DNAAF11: variants seen among roughly 807,000 people sequenced by gnomAD.
DNAAF11 encodes the protein leucine rich repeat containing 6.
A neutral mutation model predicts 60.8 loss-of-function variants in DNAAF11; 45 were observed. That is an observed-to-expected ratio of 0.74 (90% CI 0.58 to 0.95). DNAAF11 has a LOEUF of 0.95. DNAAF11 is among the 40% of genes least tolerant of loss of function. DNAAF11 has a pLI of 0.00. For missense variants in DNAAF11, 546 were observed against 546.2 expected (o/e 1.00, Z 0.00); for synonymous variants, 191 against 183.5 (o/e 1.04, Z -0.33).
intron 6 of DNAAF11, among the ~76,000 whole-genome samples, chr8:132,623,267 G>A (rs1234015153): frequency 6.6e-6 from 1 of 152,100 alleles, no homozygotes; most frequent in Non-Finnish European, 1.5e-5. Flanking sequence ...ATATTTTGCA[G>A]CTATTAAAAA....
chr8:132,656,907 T>C lies in DNAAF11; in HGVS notation c.179A>G (p.Glu60Gly), dbSNP rs1823629431. Reference protein sequence around the residue: ...YLQNNLIGKIENVSKLKKLEY... With the variant: ...YLQNNLIGKIGNVSKLKKLEY... ...AAGTTTCTTGAGTTTGCTAACATTT[T>C]CTGAAATACAAGATAATGTAGTTAA... Residue 60 changes from glutamate (E) to glycine (G), a missense_variant and splice_region_variant, in exon 3 of 12, where the codon GAA (glutamate) becomes GGA (glycine). Coordinates refer to ENST00000620350, the MANE Select transcript of DNAAF11 (RefSeq NM_012472.6). 4 of 1,229,652 alleles carry C rather than the reference T, an allele frequency of 3.3e-6. No individual in the cohort carries two copies. The highest frequency in any genetic ancestry group is 4.7e-6 in the Non-Finnish European group (4 of 852,716). The allele number at this position is 1,229,652 out of a possible 1,614,324, so 76.2% of individuals were successfully genotyped here. A position where few individuals can be genotyped will look rare whatever the true frequency, so the allele number is the denominator to read the frequency against.
At chr8:132,701,903 T>C in the DNAAF11 span, among the ~76,000 whole-genome samples, 2 of 152,146 alleles carry the variant, frequency 1.3e-5, no homozygotes, top group Non-Finnish European at 2.9e-5. Flanking sequence ...CCTCTCTAGG[T>C]GGCCTGCTTT....
chr8:132,588,986 C>T (rs114020742), intron 10 of DNAAF11, among the ~76,000 whole-genome samples: 1,528 of 152,228 alleles, frequency 0.01, 32 homozygotes, highest in African/African-American at 0.034. Context: ...AAACTGCCCC[C>T]GTGATCCAAC....
intron 3 of DNAAF11, among the ~76,000 whole-genome samples, chr8:132,640,592 T>C (rs1442315979): frequency 6.6e-6 from 1 of 152,100 alleles, no homozygotes; most frequent in East Asian, 1.9e-4. Flanking sequence ...CATCTAAGGG[T>C]CAAGTCATAA....
chr8:132,626,186 G>A (rs1466960992), intron 5 of DNAAF11, among the ~76,000 whole-genome samples: 1 of 151,940 alleles, frequency 6.6e-6, no homozygotes, highest in Non-Finnish European at 1.5e-5. Flanking sequence ...TGAGTAGCTG[G>A]GACTACAGGC....
In DNAAF11 at chr8:132,642,321, G is replaced by A. The variant is rs181766628; in HGVS notation, c.257-4214C>T. Among the ~76,000 whole-genome samples, 527 of 152,292 alleles carry A rather than the reference G, an allele frequency of 3.5e-3. 3 individuals carry two copies. The highest frequency in any genetic ancestry group is 5.0e-3 in the Non-Finnish European group (341 of 68,034). ...TCACAATTACTATCTTTATTTGAAG[G>A]TCAGATAGCTCAGTGTGGGCACTTG... On this transcript the variant is annotated intron_variant, in intron 3 of 11. Transcript: ENST00000620350.
chr8:132,679,600 C>CA, upstream of DNAAF11, among the ~76,000 whole-genome samples: 1 of 152,290 alleles, frequency 6.6e-6, no homozygotes, highest in South Asian at 2.1e-4. Context: ...TCTGTGTTCC[C>CA]ACCCAATTCT....
At chr8:132,636,043 T>C (rs774267863) in intron 4 of DNAAF11, among the ~76,000 whole-genome samples, 8 of 151,888 alleles carry the variant, frequency 5.3e-5, no homozygotes, top group Non-Finnish European at 8.8e-5. Context: ...TACAAGATGA[T>C]ACATTTCTGT....
intron 11 of DNAAF11, among the ~76,000 whole-genome samples, chr8:132,574,630 T>C (rs1240227571): frequency 6.6e-6 from 1 of 152,234 alleles, no homozygotes; most frequent in African/African-American, 2.4e-5. Flanking sequence ...TTGCCTCCTA[T>C]TCTTTTGCTG....
rs535499277 is a variant in DNAAF11, at chr8:132,620,459, C to T, written c.914+2152G>A. On this transcript the variant is annotated intron_variant, in intron 7 of 11. Transcript: ENST00000620350. ...AAGCGATTCTCGTGTCCCAGCCTTC[C>T]GAGTGGCTGGGATTACAGGTGTGTG... is the stretch of plus-strand genomic sequence containing the variant. Among the ~76,000 whole-genome samples the T allele has an allele frequency of 3.9e-5, 6 of 152,248 alleles. No individual in the cohort carries two copies. In the East Asian group the frequency reaches 7.7e-4, roughly 20 times the overall value.
Position 132,632,888 on chromosome 8 carries a change from T to A in DNAAF11, c.505A>T (p.Ile169Phe). The change falls in exon 5 of 12, where the codon ATC (isoleucine) becomes TTC (phenylalanine). Residue 169 changes from isoleucine to phenylalanine, a missense_variant. Ile to Phe is a conservative substitution (Grantham distance 21). Coordinates refer to ENST00000620350, the MANE Select transcript of DNAAF11 (RefSeq NM_012472.6). Reference protein sequence around the residue: ...LQDYSVIEPQIREQEKDHCLK... With the variant: ...LQDYSVIEPQFREQEKDHCLK... ...CAGTGATCTTTTTCCTGCTCTCTGA[T>A]TTGTGGTTCAATTACTGAATAGTCC... 1 of 1,613,980 alleles carries A rather than the reference T, an allele frequency of 6.2e-7. No individual in the cohort carries two copies. Among genetic ancestry groups the A allele is most frequent in the Non-Finnish European group, 8.5e-7 (1 of 1,179,918 alleles).
chr8:132,692,367 T>G, the DNAAF11 span, among the ~76,000 whole-genome samples: 1 of 152,200 alleles, frequency 6.6e-6, no homozygotes, highest in Non-Finnish European at 1.5e-5. Context: ...AGTCATTCAA[T>G]TCCCCTGCTG....
chr8:132,623,972 G>C (rs1193027567), intron 6 of DNAAF11, among the ~76,000 whole-genome samples: 1 of 152,056 alleles, frequency 6.6e-6, no homozygotes, highest in Non-Finnish European at 1.5e-5. Flanking sequence ...GGAAATCTAA[G>C]GTGTCCAAAA....
the DNAAF11 span, among the ~76,000 whole-genome samples, chr8:132,697,244 C>A: frequency 1.1e-4 from 16 of 152,154 alleles, no homozygotes; most frequent in Non-Finnish European, 2.2e-4. Flanking sequence ...AGTTGGACTG[C>A]AGTGATGCCT....
the DNAAF11 span, among the ~76,000 whole-genome samples, chr8:132,688,030 GTAATTCTTTTTTTC>G: frequency 3.9e-5 from 6 of 152,124 alleles, no homozygotes; most frequent in Admixed American, 6.5e-5. Flanking sequence ...ACTCATATTT[GTAATTCTTTTTTTC>G]TAATTCTTAA....
the DNAAF11 span, among the ~76,000 whole-genome samples, chr8:132,693,024 C>A: frequency 7.2e-5 from 11 of 152,192 alleles, no homozygotes; most frequent in Admixed American, 6.5e-4. Context: ...TAGGACAGAA[C>A]CACATCACAA....
intron 3 of DNAAF11, among the ~76,000 whole-genome samples, chr8:132,653,784 G>T (rs1331912197): frequency 2.0e-5 from 3 of 151,904 alleles, no homozygotes; most frequent in Admixed American, 1.3e-4. Context: ...TACAGTAAAA[G>T]AATAAGGGAA....
chr8:132,666,480 A>T (rs896588305), intron 1 of DNAAF11, among the ~76,000 whole-genome samples: 1 of 152,210 alleles, frequency 6.6e-6, no homozygotes, highest in Non-Finnish European at 1.5e-5. Context: ...GCCCTCAAGG[A>T]ATTTTCTGTC....
At chr8:132,665,325 T>C (rs1305284738) in intron 1 of DNAAF11, among the ~76,000 whole-genome samples, 1 of 151,926 alleles carries the variant, frequency 6.6e-6, no homozygotes, top group African/African-American at 2.4e-5. Context: ...GCATTTTCGG[T>C]TTTATATACT....
Sources: allele counts gnomAD v4.1 joint callset (sites outside exome capture counted in the v4.1 genomes callset), GRCh38; gene constraint gnomAD v4.1.1; transcripts MANE v1.5; gene names NCBI Gene and HGNC (gene_info 2026-07-23, HGNC 2026-07-21).